The following GABBR2 variants were observed in gnomAD, a reference collection of about 807,000 sequenced individuals.
GABBR2 encodes G-protein coupled receptor 51.
In GABBR2, 23 loss-of-function variants were observed where a neutral mutation model predicts 105.6. The observed-to-expected ratio is 0.22, with a 90% CI of 0.16 to 0.31. The LOEUF (loss-of-function observed/expected upper bound fraction) is 0.31, where lower values mean the gene tolerates loss of function less well. GABBR2 is among the 10% of genes least tolerant of loss of function. The probability of loss-of-function intolerance (pLI) is 1.00; values close to 1 mark genes in which losing one functional copy is unlikely to be tolerated. For synonymous variants in GABBR2, 478 were observed against 499.7 expected (o/e 0.96, Z 0.58); for missense variants, 734 against 1,245.5 (o/e 0.59, Z 6.18).
At chr9:98,455,034 C>T (rs977459267) in intron 6 of GABBR2, among the ~76,000 whole-genome samples, 1 of 152,178 alleles carries the variant, frequency 6.6e-6, no homozygotes, top group Non-Finnish European at 1.5e-5. Flanking sequence ...GAATGAGGAC[C>T]TCTTAGAGCA....
At chr9:98,425,546 C>A (rs1043958765) in intron 7 of GABBR2, among the ~76,000 whole-genome samples, 5 of 152,198 alleles carry the variant, frequency 3.3e-5, no homozygotes, top group Admixed American at 2.6e-4. Context: ...AACAGGCATT[C>A]CATGGCTCTG....
chr9:98,322,151 GC>G (rs1830833500), intron 13 of GABBR2, among the ~76,000 whole-genome samples: 1 of 151,838 alleles, frequency 6.6e-6, no homozygotes, highest in Non-Finnish European at 1.5e-5. Context: ...CTCTGGGCTG[GC>G]CCAGAGGGGG....
intron 18 of GABBR2, among the ~76,000 whole-genome samples, chr9:98,293,310 T>C (rs763462724): frequency 2.0e-5 from 3 of 152,180 alleles, no homozygotes; most frequent in Non-Finnish European, 4.4e-5. Flanking sequence ...GCTCCTATTG[T>C]TTGACATGCC....
chr9:98,380,455 T>C (rs537461860), intron 11 of GABBR2, among the ~76,000 whole-genome samples: 1 of 152,350 alleles, frequency 6.6e-6, no homozygotes, highest in East Asian at 1.9e-4. Context: ...GGACTCCTTG[T>C]CTGGGCAGAC....
intron 3 of GABBR2, among the ~76,000 whole-genome samples, chr9:98,505,475 C>A (rs938349795): frequency 1.4e-5 from 2 of 148,074 alleles, no homozygotes; most frequent in Admixed American, 6.7e-5. Context: ...CGTGTGTGAC[C>A]CATGCATGTT....
chr9:98,580,083 C>T (rs1211935037), intron 1 of GABBR2, among the ~76,000 whole-genome samples: 3 of 152,158 alleles, frequency 2.0e-5, no homozygotes, highest in Non-Finnish European at 4.4e-5. Flanking sequence ...CCCAATCTGG[C>T]CTGAGTTCCC....
chr9:98,675,213 C>T (rs1418414706), intron 1 of GABBR2, among the ~76,000 whole-genome samples: 1 of 152,118 alleles, frequency 6.6e-6, no homozygotes, highest in East Asian at 1.9e-4. Flanking sequence ...TGGTGACTTC[C>T]CAGCAAGCAC....
chr9:98,667,499 G>T (rs1830351677), intron 1 of GABBR2, among the ~76,000 whole-genome samples: 2 of 152,072 alleles, frequency 1.3e-5, no homozygotes, highest in South Asian at 4.1e-4. Flanking sequence ...CCCCTCCCCA[G>T]GGGCAGCCCA....
At position 98,324,493 on chromosome 9, in the gene GABBR2, G is replaced by GACACACAC. The variant is rs3983548; in HGVS notation, c.1894-13296_1894-13289dup. Among the ~76,000 whole-genome samples, 242 of 143,370 alleles carry GACACACAC rather than the reference G, an allele frequency of 1.7e-3. 1 individual carries two copies. Among genetic ancestry groups the GACACACAC allele is most frequent in the African/African-American group, 3.0e-3 (116 of 38,158 alleles). 94.1% of individuals were successfully genotyped at this position (143,370 alleles called of 152,430 possible). On this transcript the variant is annotated intron_variant, in intron 13 of 18. Coordinates refer to ENST00000259455, the MANE Select transcript of GABBR2 (RefSeq NM_005458.8). Reference sequence around the variant, plus strand: ...CAGTAAGACAAAAGACTACAGAGCCGACACACACACACACACACACACACA... The same window carrying GACACACAC: ...CAGTAAGACAAAAGACTACAGAGCCGACACACACACACACACACACACACACACACACA...
chr9:98,517,723 G>A (rs1827785377), intron 3 of GABBR2, among the ~76,000 whole-genome samples: 1 of 152,160 alleles, frequency 6.6e-6, no homozygotes, highest in African/African-American at 2.4e-5. Flanking sequence ...CTTTTTTCAT[G>A]GAATTAGAAC....
intron 1 of GABBR2, among the ~76,000 whole-genome samples, chr9:98,683,973 A>G (rs1830585097): frequency 7.5e-6 from 1 of 133,922 alleles, no homozygotes; most frequent in African/African-American, 2.9e-5. Flanking sequence ...TCGCCACTGA[A>G]CTCCAGCCTG....
chr9:98,422,014 T>TC (rs1564061952), intron 7 of GABBR2, among the ~76,000 whole-genome samples: 1 of 152,174 alleles, frequency 6.6e-6, no homozygotes, highest in Non-Finnish European at 1.5e-5. Context: ...ACAAAGGACA[T>TC]CCTGGACAAA....
In GABBR2 at chr9:98,362,720, T is replaced by C. The variant is rs761497452; in HGVS notation, c.1888A>G (p.Met630Val). Residue 630 changes from methionine to valine, a missense_variant, in exon 13 of 19, where the codon ATG (methionine) becomes GTG (valine). By Grantham distance (21) the Met-to-Val change is conservative. Transcript: ENST00000259455. ...TGCCGGCATGGAGGGCTTACCTCCA[T>C]GCTGTACTTCTCCACTGTCCTTCGC... Reference protein sequence around the residue: ...PLRRTVEKYSMEPDPAGRDIS... With the variant: ...PLRRTVEKYSVEPDPAGRDIS... 6.3e-7 allele frequency: 1 copy of C among 1,582,686 alleles called. No homozygotes were observed. Among genetic ancestry groups the C allele is most frequent in the Non-Finnish European group, 8.6e-7 (1 of 1,166,772 alleles).
chr9:98,501,978 G>A (rs1159163896), intron 3 of GABBR2, among the ~76,000 whole-genome samples: 1 of 152,144 alleles, frequency 6.6e-6, no homozygotes, highest in African/African-American at 2.4e-5. Flanking sequence ...CTCCCAGCTG[G>A]TTCACGGTGC....
At chr9:98,362,958 C>CTG in intron 12 of GABBR2, 121 bp from the exon 13 acceptor site, 2 of 757,394 alleles carry the variant, frequency 2.6e-6, no homozygotes, top group Non-Finnish European at 3.9e-6. Flanking sequence ...GAGTCTCCTG[C>CTG]GATTCCCCAT....
chr9:98,581,774 A>G (rs1829006992), intron 1 of GABBR2, among the ~76,000 whole-genome samples: 1 of 152,196 alleles, frequency 6.6e-6, no homozygotes, highest in Non-Finnish European at 1.5e-5. Flanking sequence ...GTAGCTAATG[A>G]CAACGATACT....
chr9:98,385,209 T>C (rs915114639), intron 11 of GABBR2, among the ~76,000 whole-genome samples: 36 of 152,182 alleles, frequency 2.4e-4, no homozygotes, highest in African/African-American at 8.4e-4. Context: ...GTAAGTCCAG[T>C]ATCTTTATTT....
At chr9:98,545,105 A>G (rs1156270972) in intron 2 of GABBR2, among the ~76,000 whole-genome samples, 1 of 152,144 alleles carries the variant, frequency 6.6e-6, no homozygotes, top group Non-Finnish European at 1.5e-5. Context: ...TCTTAATCAC[A>G]CTCTGGTTGC....
At chr9:98,573,413 C>T (rs1828862785) in intron 2 of GABBR2, among the ~76,000 whole-genome samples, 1 of 152,048 alleles carries the variant, frequency 6.6e-6, no homozygotes, top group Admixed American at 6.5e-5. Context: ...CTCTCAAGTT[C>T]CTGGGACCAC....
Sources: gnomAD v4.1 joint callset for allele counts (sites outside exome capture counted in the v4.1 genomes callset) on GRCh38, gnomAD v4.1.1 for gene constraint, MANE v1.5 for transcripts, NCBI Gene and HGNC (gene_info 2026-07-23, HGNC 2026-07-21) for gene names.